ZNF804B: variants seen among roughly 807,000 people sequenced by gnomAD.
ZNF804B encodes the protein zinc finger protein 804B, also known as zinc finger 804B.
In ZNF804B, 80 loss-of-function variants were observed where a neutral mutation model predicts 101.4. That is an observed-to-expected ratio of 0.79 (90% CI 0.66 to 0.95). ZNF804B has a LOEUF of 0.95. Ranked by LOEUF, ZNF804B falls within the 40% of genes least tolerant of loss-of-function variation. The pLI is 0.00. For missense variants in ZNF804B, 1,673 were observed against 1,561.9 expected (o/e 1.07, Z -1.20); for synonymous variants, 622 against 558.8 (o/e 1.11, Z -1.59).
intron 1 of ZNF804B, among the ~76,000 whole-genome samples, chr7:89,137,274 T>C (rs1171877716): frequency 6.6e-6 from 1 of 152,122 alleles, no homozygotes; most frequent in Non-Finnish European, 1.5e-5. Context: ...TTCATTTTAC[T>C]TTCACAGTCA....
At chr7:89,012,021 G>C (rs191821184) in intron 1 of ZNF804B, among the ~76,000 whole-genome samples, 1 of 152,058 alleles carries the variant, frequency 6.6e-6, no homozygotes, top group South Asian at 2.1e-4. Flanking sequence ...AAGCATTTCC[G>C]TACATCCTCT....
rs1790316562 is a variant in ZNF804B at position 88,787,278 on chromosome 7, C to T, written c.108+27194C>T. On this transcript the variant is annotated intron_variant, in intron 1 of 3. Transcript: ENST00000333190. Reference sequence around the variant, plus strand: ...TTATTATAGAATTTTGCTTTTTATCCTGAAGGTGAAATGGAATCCATTGAA... The same window carrying T: ...TTATTATAGAATTTTGCTTTTTATCTTGAAGGTGAAATGGAATCCATTGAA... Among the ~76,000 whole-genome samples, 4 of 151,992 alleles carry T rather than the reference C, an allele frequency of 2.6e-5. No individual in the cohort carries two copies. The South Asian group carries it at 8.3e-4, about 31-fold the overall frequency.
At chr7:89,123,065 A>G (rs1016867104) in intron 1 of ZNF804B, among the ~76,000 whole-genome samples, 1 of 151,866 alleles carries the variant, frequency 6.6e-6, no homozygotes, top group African/African-American at 2.4e-5. Flanking sequence ...GTCACGGTAT[A>G]CTTGAAAGGT....
At chr7:89,144,723 G>A (rs1311944574) in intron 1 of ZNF804B, among the ~76,000 whole-genome samples, 6 of 151,970 alleles carry the variant, frequency 3.9e-5, no homozygotes, top group African/African-American at 1.4e-4. Flanking sequence ...TTAAGTATAT[G>A]AGTTAATGAA....
In ZNF804B at chr7:89,156,609, C is replaced by T. The variant is rs74393815; in HGVS notation, c.109-61546C>T. ...GAAAATGCCAGGAACATAGCAGGTGCTCAGAAAAGCATGAACTTTTTTTTT... is the reference window on the plus strand; with the variant it reads ...GAAAATGCCAGGAACATAGCAGGTGTTCAGAAAAGCATGAACTTTTTTTTT... On this transcript the variant is annotated intron_variant, in intron 1 of 3. Coordinates refer to ENST00000333190, the MANE Select transcript of ZNF804B (RefSeq NM_181646.5). Among the ~76,000 whole-genome samples, 24 of 152,112 alleles carry T rather than the reference C, an allele frequency of 1.6e-4. No individual in the cohort carries two copies. In the East Asian group the frequency reaches 4.4e-3, roughly 28 times the overall value.
intron 1 of ZNF804B, chr7:88,794,494 A>G: frequency 6.2e-7 from 1 of 1,613,788 alleles, no homozygotes; most frequent in East Asian, 2.2e-5. Context: ...AACTTTTATC[A>G]CTGAAACATG....
chr7:89,096,748 C>T (rs1320784079), intron 1 of ZNF804B, among the ~76,000 whole-genome samples: 6 of 152,140 alleles, frequency 3.9e-5, no homozygotes, highest in East Asian at 1.9e-4. Flanking sequence ...CACTCCTCAT[C>T]GAAGTAATTT....
rs879342757 is a variant in ZNF804B at position 89,171,290 on chromosome 7, T to TGCTGCG, written c.109-46865_109-46864insGCTGCG. On this transcript the variant is annotated intron_variant, in intron 1 of 3. Transcript: ENST00000333190. ...TAGGCACAAATAATGCTGCTGCTGC[T>TGCTGCG]TCTTCTTCTTCTTCTTCTTCTTCTT... Among the ~76,000 whole-genome samples the TGCTGCG allele has an allele frequency of 3.1e-3, 171 of 55,214 alleles. 1 individual carries two copies. The highest frequency in any genetic ancestry group is 0.011 in the African/African-American group (162 of 14,440). 36.2% of individuals were successfully genotyped at this position (55,214 alleles called of 152,430 possible). A position where few individuals can be genotyped will look rare whatever the true frequency, so the allele number is the denominator to read the frequency against.
rs943733703 is a variant in ZNF804B, at chr7:88,944,840, A to G, written c.108+184756A>G. ...TAGAAAATTCTATAATTAGTACTTA[A>G]CACAAAATTTGTTTCATGCACGAAA... On this transcript the variant is annotated intron_variant, in intron 1 of 3. Transcript: ENST00000333190. Among the ~76,000 whole-genome samples, 8 of 151,886 alleles carry G rather than the reference A, an allele frequency of 5.3e-5. No individual in the cohort carries two copies. In the East Asian group the frequency reaches 1.6e-3, roughly 30 times the overall value.
At chr7:88,851,884 TTA>T (rs1402554990) in intron 1 of ZNF804B, among the ~76,000 whole-genome samples, 1 of 152,126 alleles carries the variant, frequency 6.6e-6, no homozygotes, top group African/African-American at 2.4e-5. Context: ...TACTTGGTTC[TTA>T]TATGTGAAGT....
Position 89,334,151 on chromosome 7 carries a change from T to C in ZNF804B, c.1169T>C (p.Leu390Pro). ...GAATGCCTGGATGAGTTTTCATCAC[T>C]GGAGCCAAGTGAACAAAAGAGTACA... ...ISECLDEFSS[L>P]EPSEQKSTVH... The change falls in exon 4 of 4, where the codon CTG (leucine) becomes CCG (proline). Residue 390 changes from leucine to proline, a missense_variant. Transcript: ENST00000333190. 6.2e-7 allele frequency: 1 copy of C among 1,613,634 alleles called. No individual in the cohort carries two copies. The highest frequency in any genetic ancestry group is 1.1e-5 in the South Asian group (1 of 91,072).
At chr7:89,103,097 T>C (rs56246337) in intron 1 of ZNF804B, among the ~76,000 whole-genome samples, 1 of 139,830 alleles carries the variant, frequency 7.2e-6, no homozygotes, top group South Asian at 2.4e-4. Flanking sequence ...AATACTGTGG[T>C]GTTTGGTTAT....
intron 1 of ZNF804B, among the ~76,000 whole-genome samples, chr7:89,181,180 T>C (rs1310212504): frequency 6.6e-6 from 1 of 151,846 alleles, no homozygotes; most frequent in Non-Finnish European, 1.5e-5. Context: ...ACATAAGCAC[T>C]CCCTTGGCTG....
chr7:89,112,378 C>T (rs1790232159), intron 1 of ZNF804B, among the ~76,000 whole-genome samples: 1 of 152,128 alleles, frequency 6.6e-6, no homozygotes, highest in Non-Finnish European at 1.5e-5. Flanking sequence ...AAAAGGCTGT[C>T]TTTTCCCCAC....
intron 1 of ZNF804B, among the ~76,000 whole-genome samples, chr7:88,893,699 T>G (rs1247445906): frequency 6.6e-6 from 1 of 152,206 alleles, no homozygotes; most frequent in Non-Finnish European, 1.5e-5. Flanking sequence ...CTTCCCAGCA[T>G]TTAGCTTGAA....
At chr7:89,188,293 C>T (rs1330368118) in intron 1 of ZNF804B, among the ~76,000 whole-genome samples, 1 of 152,018 alleles carries the variant, frequency 6.6e-6, no homozygotes, top group Non-Finnish European at 1.5e-5. Flanking sequence ...CACCAAGAAC[C>T]ATGTTCATAT....
chr7:89,155,658 C>G (rs1417346921), intron 1 of ZNF804B, among the ~76,000 whole-genome samples: 1 of 152,216 alleles, frequency 6.6e-6, no homozygotes, highest in Non-Finnish European at 1.5e-5. Flanking sequence ...TCCTTTCACT[C>G]TGTCCCGCCT....
intron 1 of ZNF804B, among the ~76,000 whole-genome samples, chr7:89,124,217 C>G (rs1283860152): frequency 6.8e-6 from 1 of 147,946 alleles, no homozygotes; most frequent in Non-Finnish European, 1.5e-5. Context: ...AACAGCACAT[C>G]ATAAATCCCA....
At chr7:89,028,734 T>C (rs1469695581) in intron 1 of ZNF804B, among the ~76,000 whole-genome samples, 1 of 152,174 alleles carries the variant, frequency 6.6e-6, no homozygotes, top group Non-Finnish European at 1.5e-5. Context: ...CTACTTATGT[T>C]CTTTGTTCTT....
Sources: gnomAD v4.1 joint callset for allele counts (sites outside exome capture counted in the v4.1 genomes callset) on GRCh38, gnomAD v4.1.1 for gene constraint, MANE v1.5 for transcripts, NCBI Gene and HGNC (gene_info 2026-07-23, HGNC 2026-07-21) for gene names.